The following CNTNAP2 variants were observed in gnomAD, a reference collection of about 807,000 sequenced individuals.
The protein encoded by CNTNAP2 is contactin-associated protein-like 2.
CNTNAP2 carries 98 observed loss-of-function variants against 155.2 expected under a neutral mutation model. That is an observed-to-expected ratio of 0.63 (90% CI 0.54 to 0.75). The LOEUF (loss-of-function observed/expected upper bound fraction) is 0.75, where lower values mean the gene tolerates loss of function less well. Ranked by LOEUF, CNTNAP2 falls within the 30% of genes least tolerant of loss-of-function variation. CNTNAP2 has a pLI of 0.00. For missense variants in CNTNAP2, 1,727 were observed against 1,688.1 expected, an observed-to-expected ratio of 1.02 and a Z score of -0.40; for synonymous variants, 651 against 631.2, an observed-to-expected ratio of 1.03 and a Z score of -0.47.
chr7:146,540,400 C>A (rs1337809669), intron 1 of CNTNAP2, among the ~76,000 whole-genome samples: 1 of 151,980 alleles, frequency 6.6e-6, no homozygotes, highest in Non-Finnish European at 1.5e-5. Context: ...CTCTGCCAGA[C>A]ATCACATCAA....
At chr7:147,415,190 A>G (rs867705913) in intron 10 of CNTNAP2, among the ~76,000 whole-genome samples, 2 of 152,048 alleles carry the variant, frequency 1.3e-5, no homozygotes, top group African/African-American at 4.8e-5. Flanking sequence ...CCTCTTTCAG[A>G]GCTCTCACCC....
chr7:147,479,256 G>A (rs1249135123), intron 10 of CNTNAP2, among the ~76,000 whole-genome samples: 2 of 152,072 alleles, frequency 1.3e-5, no homozygotes, highest in East Asian at 3.9e-4. Context: ...TAAAACAATG[G>A]CCTATGATCT....
At chr7:147,697,934 A>AC (rs1266291275) in intron 13 of CNTNAP2, among the ~76,000 whole-genome samples, 1 of 151,956 alleles carries the variant, frequency 6.6e-6, no homozygotes, top group Non-Finnish European at 1.5e-5. Flanking sequence ...AAGTGTGAGG[A>AC]CCCCCTATGA....
intron 1 of CNTNAP2, among the ~76,000 whole-genome samples, chr7:146,355,175 G>A (rs968844411): frequency 1.3e-5 from 2 of 152,088 alleles, no homozygotes; most frequent in African/African-American, 4.8e-5. Flanking sequence ...TTCTTTATAT[G>A]TTCTTCTTCT....
chr7:146,268,081 T>C (rs567608330), intron 1 of CNTNAP2, among the ~76,000 whole-genome samples: 2 of 152,320 alleles, frequency 1.3e-5, no homozygotes, highest in East Asian at 3.9e-4. Flanking sequence ...TTCTTAATCA[T>C]GTTAATATTA....
intron 1 of CNTNAP2, among the ~76,000 whole-genome samples, chr7:146,595,303 T>A (rs1798844037): frequency 6.6e-6 from 1 of 152,096 alleles, no homozygotes; most frequent in African/African-American, 2.4e-5. Flanking sequence ...CATTGTCACA[T>A]GCCTCAAATC....
intron 2 of CNTNAP2, among the ~76,000 whole-genome samples, chr7:146,838,592 A>G (rs1284998773): frequency 6.6e-6 from 1 of 150,796 alleles, no homozygotes; most frequent in African/African-American, 2.5e-5. Flanking sequence ...TGCTGGGATT[A>G]CAGGCGTGAG....
At chr7:147,121,660 A>G (rs1801113892) in intron 6 of CNTNAP2, 1 of 154,582 alleles carries the variant, frequency 6.5e-6, no homozygotes, top group South Asian at 2.0e-4. Context: ...AAAGCAATAA[A>G]GTAAAATACA....
chr7:147,878,120 A>C (rs989468777), intron 13 of CNTNAP2, among the ~76,000 whole-genome samples: 1 of 148,906 alleles, frequency 6.7e-6, no homozygotes, highest in African/African-American at 2.5e-5. Flanking sequence ...TTTTCAGTGG[A>C]AAGTTTAGCA....
chr7:147,971,814 A>G (rs887717833), intron 14 of CNTNAP2, among the ~76,000 whole-genome samples: 1 of 152,210 alleles, frequency 6.6e-6, no homozygotes, highest in Non-Finnish European at 1.5e-5. Flanking sequence ...GATATCCAGA[A>G]GTAGAATTCT....
At chr7:146,931,368 A>C (rs909570548) in intron 3 of CNTNAP2, among the ~76,000 whole-genome samples, 6 of 149,852 alleles carry the variant, frequency 4.0e-5, no homozygotes, top group Non-Finnish European at 6.0e-5. Context: ...GGCAGAAATA[A>C]AGATGTTCTT....
At chr7:148,010,618 C>A (rs1468155146) in intron 15 of CNTNAP2, among the ~76,000 whole-genome samples, 1 of 150,682 alleles carries the variant, frequency 6.6e-6, no homozygotes, top group Non-Finnish European at 1.5e-5. Context: ...GGGAAAAATT[C>A]TTTCTCCACT....
intron 1 of CNTNAP2, among the ~76,000 whole-genome samples, chr7:146,256,379 T>C (rs1467170648): frequency 1.3e-5 from 2 of 152,190 alleles, no homozygotes; most frequent in African/African-American, 4.8e-5. Context: ...TCTAAATTTA[T>C]GTAAGGTCCA....
chr7:146,878,397 G>T (rs772419211), intron 3 of CNTNAP2, among the ~76,000 whole-genome samples: 4 of 149,972 alleles, frequency 2.7e-5, no homozygotes, highest in Non-Finnish European at 4.4e-5. Context: ...TTTTACAGCT[G>T]AATTGCTGAG....
intron 1 of CNTNAP2, among the ~76,000 whole-genome samples, chr7:146,155,852 A>G (rs949300815): frequency 6.6e-6 from 1 of 151,742 alleles, no homozygotes; most frequent in African/African-American, 2.4e-5. Flanking sequence ...GGTGCCCACC[A>G]CCATGCCTGA....
At chr7:147,047,153 G>A (rs373958376) in intron 4 of CNTNAP2, among the ~76,000 whole-genome samples, 155 of 129,256 alleles carry the variant, frequency 1.2e-3, no homozygotes, top group Middle Eastern at 5.3e-3. Flanking sequence ...TTGCCACCCA[G>A]GCTGGAGTGC....
rs534380625 is a variant in CNTNAP2, at chr7:147,468,412, A to G, written c.1671-17523A>G. ...TGTGAAAATATATCTTTGCTTAACT[A>G]TTGGGTTTCTCCAAGTTTGGTCTTG... On this transcript the variant is annotated intron_variant, in intron 10 of 23. Transcript: ENST00000361727. 5.9e-5 allele frequency among the ~76,000 whole-genome samples: 9 copies of G among 152,328 alleles called. No individual in the cohort carries two copies. The East Asian group carries it at 1.4e-3, about 23-fold the overall frequency.
intron 13 of CNTNAP2, among the ~76,000 whole-genome samples, chr7:147,861,730 A>G (rs1267767157): frequency 6.6e-6 from 1 of 152,152 alleles, no homozygotes; most frequent in Non-Finnish European, 1.5e-5. Flanking sequence ...ATAAATTAAG[A>G]CATTACCAAG....
At position 147,308,142 on chromosome 7, in the gene CNTNAP2, A is replaced by G. The variant is rs76533248; in HGVS notation, c.1498+7852A>G. Among the ~76,000 whole-genome samples, 1,218 of 152,262 alleles carry G rather than the reference A, an allele frequency of 8.0e-3. 20 individuals are homozygous for G. Among genetic ancestry groups the G allele is most frequent in the African/African-American group, 0.028 (1,154 of 41,548 alleles). ...TCAAAGGAGTGAGAACACACACACC[A>G]TGAGAAGATGGGAGAGAAGAACACT... On this transcript the variant is annotated intron_variant, in intron 9 of 23. Transcript: ENST00000361727.
Sources: allele counts gnomAD v4.1 joint callset (sites outside exome capture counted in the v4.1 genomes callset), GRCh38; gene constraint gnomAD v4.1.1; transcripts MANE v1.5; gene names NCBI Gene and HGNC (gene_info 2026-07-23, HGNC 2026-07-21).